Variants in STK32A observed in about 807,000 individuals in gnomAD.
STK32A encodes serine/threonine kinase 32A, also known as serine/threonine-protein kinase 32A.
In STK32A, 41 loss-of-function variants were observed where a neutral mutation model predicts 53.2. That is an observed-to-expected ratio of 0.77 (90% CI 0.60 to 1.00). STK32A has a LOEUF of 1.00. Ranked by LOEUF, STK32A falls within the 50% of genes least tolerant of loss-of-function variation. STK32A has a pLI of 0.00. For missense variants in STK32A, 458 were observed against 485.8 expected, an observed-to-expected ratio of 0.94 and a Z score of 0.54; for synonymous variants, 166 against 162.8, an observed-to-expected ratio of 1.02 and a Z score of -0.15.
intron 4 of STK32A, among the ~76,000 whole-genome samples, chr5:147,286,025 A>G (rs1752313401): frequency 6.6e-6 from 1 of 152,170 alleles, no homozygotes; most frequent in Non-Finnish European, 1.5e-5. Context: ...TGCAACCCAA[A>G]TGCCCATCAA....
At chr5:147,275,540 T>A (rs1755218617) in intron 2 of STK32A, among the ~76,000 whole-genome samples, 1 of 152,156 alleles carries the variant, frequency 6.6e-6, no homozygotes, top group Non-Finnish European at 1.5e-5. Context: ...CCCAAGCTAG[T>A]CTTGAACTCC....
chr5:147,367,283 C>G (rs531598999), intron 8 of STK32A, among the ~76,000 whole-genome samples: 1 of 152,108 alleles, frequency 6.6e-6, no homozygotes, highest in African/African-American at 2.4e-5. Context: ...CCAGGCTAGT[C>G]TTGAACTCCT....
chr5:147,284,215 C>A (rs1272053589), intron 4 of STK32A, among the ~76,000 whole-genome samples: 1 of 152,000 alleles, frequency 6.6e-6, no homozygotes, highest in Non-Finnish European at 1.5e-5. Context: ...TCAACAAAAT[C>A]CAGCATCCTT....
chr5:147,392,572 T>G (rs1024819888), downstream of STK32A: 5 of 152,194 alleles, frequency 3.3e-5, no homozygotes, highest in Non-Finnish European at 5.9e-5. Context: ...AGCATCTTGG[T>G]TCTATAGATT....
intron 5 of STK32A, among the ~76,000 whole-genome samples, chr5:147,327,833 A>T (rs145837882): frequency 6.6e-6 from 1 of 152,356 alleles, no homozygotes; most frequent in Non-Finnish European, 1.5e-5. Context: ...GATGCTCAGC[A>T]TGGCTGCAGC....
the STK32A span, chr5:147,395,625 G>C: frequency 5.6e-6 from 9 of 1,614,050 alleles, no homozygotes; most frequent in Non-Finnish European, 7.6e-6. Flanking sequence ...GGAGAGCCCC[G>C]AGCAGAGCCT....
At chr5:147,376,666 T>C (rs1332315737) in intron 11 of STK32A, among the ~76,000 whole-genome samples, 1 of 152,142 alleles carries the variant, frequency 6.6e-6, no homozygotes, top group East Asian at 1.9e-4. Flanking sequence ...GCCCTGCAAG[T>C]GTCTCACTCT....
rs1221233396 is a variant in STK32A at position 147,260,284 on chromosome 5, C to A, written c.53-17840C>A. 1.1e-3 allele frequency among the ~76,000 whole-genome samples: 118 copies of A among 107,176 alleles called. 2 individuals are homozygous for A. The highest frequency in any genetic ancestry group is 3.8e-3 in the African/African-American group (106 of 27,932). The allele number at this position is 107,176 out of a possible 152,430, so 70.3% of individuals were successfully genotyped here. On this transcript the variant is annotated intron_variant, in intron 2 of 12. Coordinates refer to ENST00000397936, the MANE Select transcript of STK32A (RefSeq NM_001112724.2). ...CTCTCCCTCTCCCCTCTCTGTCTCT[C>A]TCTCTCGCCTGTCTCTCTCTCTCTC...
At chr5:147,364,737 A>G (rs1016722958) in intron 8 of STK32A, among the ~76,000 whole-genome samples, 3 of 152,150 alleles carry the variant, frequency 2.0e-5, no homozygotes, top group African/African-American at 7.2e-5. Context: ...TCTTTTTGTA[A>G]TAAGGCCACT....
At position 147,387,563 on chromosome 5, in the gene STK32A, T is replaced by C. The variant is rs558177834; in HGVS notation, c.*3580T>C. On this transcript the variant is annotated 3_prime_UTR_variant, in exon 13 of 13. Transcript: ENST00000397936. Reference sequence around the variant, plus strand: ...AGGCTTTAGCTCTTCAAAAGCAGAATGAAAAGGCACAAAAAGCACTTCAAG... The same window carrying C: ...AGGCTTTAGCTCTTCAAAAGCAGAACGAAAAGGCACAAAAAGCACTTCAAG... 23 of 152,364 alleles carry C rather than the reference T, an allele frequency of 1.5e-4. No individual in the cohort carries two copies. Among genetic ancestry groups the C allele is most frequent in the African/African-American group, 5.3e-4 (22 of 41,588 alleles). 9.4% of individuals were successfully genotyped at this position (152,364 alleles called of 1,614,324 possible).
rs776109733 is a variant in STK32A at position 147,239,712 on chromosome 5, T to TA, written c.52+32dup. The TA allele has an allele frequency of 9.5e-6, 15 of 1,578,412 alleles. No homozygotes were observed. In the South Asian group the frequency reaches 1.0e-4, roughly 11 times the overall value. On this transcript the variant is annotated intron_variant, in intron 2 of 12. Transcript: ENST00000397936. ...GTAAGAAATATGGGATAGTGGCATA[T>TA]AAAAAATAGAATTTTGCAAAATTCA...
chr5:147,309,478 C>T (rs992837474), intron 4 of STK32A, among the ~76,000 whole-genome samples: 6 of 152,074 alleles, frequency 3.9e-5, no homozygotes, highest in African/African-American at 1.2e-4. Context: ...TATTTTTCTC[C>T]TTAGATTGCA....
chr5:147,361,018 T>A (rs1756480743), intron 7 of STK32A, among the ~76,000 whole-genome samples: 1 of 152,110 alleles, frequency 6.6e-6, no homozygotes, highest in African/African-American at 2.4e-5. Flanking sequence ...CTTTTCTCCC[T>A]CCCTCATCCC....
At chr5:147,299,534 A>G (rs2151965357) in intron 4 of STK32A, among the ~76,000 whole-genome samples, 1 of 152,328 alleles carries the variant, frequency 6.6e-6, no homozygotes, top group South Asian at 2.1e-4. Flanking sequence ...GACAGTACCA[A>G]CATTCCAATT....
chr5:147,390,696 G>C (rs1355457937), downstream of STK32A: 1 of 152,122 alleles, frequency 6.6e-6, no homozygotes, highest in Non-Finnish European at 1.5e-5. Context: ...AGACAACTCT[G>C]TTATCAGCAG....
chr5:147,320,741 G>A (rs527861915), intron 4 of STK32A, among the ~76,000 whole-genome samples: 9 of 152,156 alleles, frequency 5.9e-5, no homozygotes, highest in African/African-American at 9.7e-5. Flanking sequence ...AATATAACCA[G>A]GTACTGGACA....
intron 4 of STK32A, among the ~76,000 whole-genome samples, chr5:147,306,069 C>T (rs927987352): frequency 3.9e-5 from 6 of 152,010 alleles, no homozygotes; most frequent in South Asian, 2.1e-4. Flanking sequence ...TACTCACATC[C>T]GCAATGTATG....
intron 7 of STK32A, among the ~76,000 whole-genome samples, chr5:147,360,785 C>G (rs1463180199): frequency 6.6e-6 from 1 of 152,146 alleles, no homozygotes; most frequent in Non-Finnish European, 1.5e-5. Flanking sequence ...CTTCATTCTC[C>G]CTATTACATC....
chr5:147,247,326 G>T (rs998249851), intron 2 of STK32A, among the ~76,000 whole-genome samples: 1 of 152,112 alleles, frequency 6.6e-6, no homozygotes, highest in Non-Finnish European at 1.5e-5. Flanking sequence ...TGGAAGTTTC[G>T]TTTGGAAACA....
Sources: allele counts gnomAD v4.1 joint callset (sites outside exome capture counted in the v4.1 genomes callset), GRCh38; gene constraint gnomAD v4.1.1; transcripts MANE v1.5; gene names NCBI Gene and HGNC (gene_info 2026-07-23, HGNC 2026-07-21).